Variants in MED13L observed in about 807,000 individuals in gnomAD.
MED13L encodes mediator complex subunit 13L.
In MED13L, 7 loss-of-function variants were observed where a neutral mutation model predicts 220.9. The observed-to-expected ratio is 0.03, with a 90% confidence interval of 0.02 to 0.06. The LOEUF is 0.06. MED13L is among the 10% of genes least tolerant of loss of function. The probability of loss-of-function intolerance (pLI) is 1.00; values close to 1 mark genes in which losing one functional copy is unlikely to be tolerated. For missense variants in MED13L, 1,965 were observed against 2,760.5 expected (o/e 0.71, Z 6.46); for synonymous variants, 1,011 against 1,015.2 (o/e 1.00, Z 0.08).
intron 2 of MED13L, among the ~76,000 whole-genome samples, chr12:116,140,218 A>T (rs1474199769): frequency 5.3e-5 from 8 of 152,144 alleles, no homozygotes; most frequent in Admixed American, 5.2e-4. Context: ...CTACCATGTA[A>T]CATACTTAAT....
At chr12:116,059,602 G>C (rs1475062394) in intron 4 of MED13L, among the ~76,000 whole-genome samples, 1 of 151,930 alleles carries the variant, frequency 6.6e-6, no homozygotes, top group South Asian at 2.1e-4. Flanking sequence ...GTTTTTAATA[G>C]AGACGGGGTT....
At chr12:115,969,124 C>T in intron 27 of MED13L, 27 bp from the exon 28 acceptor site, 5 of 1,609,202 alleles carry the variant, frequency 3.1e-6, no homozygotes, top group Non-Finnish European at 4.2e-6. Context: ...AAAAAAAGCA[C>T]AAAAATTAAA....
intron 3 of MED13L, among the ~76,000 whole-genome samples, 194 bp from the exon 4 acceptor site, chr12:116,096,946 T>C (rs191168621): frequency 2.0e-5 from 3 of 152,298 alleles, no homozygotes; most frequent in South Asian, 2.1e-4. Context: ...CAGATTCTTA[T>C]GCCCACGTAA....
At chr12:116,027,776 C>T (rs1292239877) in intron 4 of MED13L, among the ~76,000 whole-genome samples, 1 of 152,128 alleles carries the variant, frequency 6.6e-6, no homozygotes, top group African/African-American at 2.4e-5. Context: ...CAAAGCAATG[C>T]TAAAAATGGT....
chr12:116,092,119 T>C (rs891470326), intron 4 of MED13L, among the ~76,000 whole-genome samples: 1 of 152,254 alleles, frequency 6.6e-6, no homozygotes, highest in Non-Finnish European at 1.5e-5. Flanking sequence ...TATTTGTCTA[T>C]GGACTTCCCA....
chr12:116,273,129 A>G (rs1472353278), intron 1 of MED13L, among the ~76,000 whole-genome samples: 1 of 151,890 alleles, frequency 6.6e-6, no homozygotes, highest in African/African-American at 2.4e-5. Context: ...ATATGGAGAA[A>G]CCCCGTCTCT....
chr12:116,132,146 C>T (rs532976288), intron 2 of MED13L, among the ~76,000 whole-genome samples: 3 of 151,648 alleles, frequency 2.0e-5, no homozygotes, highest in Admixed American at 6.6e-5. Flanking sequence ...CAGGTCATGA[C>T]GGCAGGTGCC....
rs939285598 is a variant in MED13L at position 115,958,763 on chromosome 12, T to G, written c.*2503A>C. ...TTTTTAAATGAACTTCACATATTTT[T>G]GTATTCTTTCAAATTGTTTGCTATA... On this transcript the variant is annotated 3_prime_UTR_variant, in exon 31 of 31. Transcript: ENST00000281928. 1 of 152,642 alleles carries G rather than the reference T, an allele frequency of 6.6e-6. No individual in the cohort carries two copies. Among genetic ancestry groups the G allele is most frequent in the East Asian group, 1.9e-4 (1 of 5,202 alleles). The allele number at this position is 152,642 out of a possible 1,614,324, so 9.5% of individuals were successfully genotyped here.
intron 2 of MED13L, among the ~76,000 whole-genome samples, chr12:116,197,611 A>T (rs1335177121): frequency 6.6e-6 from 1 of 152,118 alleles, no homozygotes; most frequent in African/African-American, 2.4e-5. Context: ...TACTAAAAAT[A>T]CAAAATTAGC....
intron 4 of MED13L, among the ~76,000 whole-genome samples, chr12:116,090,531 G>T (rs899946928): frequency 2.0e-5 from 3 of 152,122 alleles, no homozygotes; most frequent in African/African-American, 7.2e-5. Flanking sequence ...AAAAGATATG[G>T]ATATATACAG....
intron 2 of MED13L, among the ~76,000 whole-genome samples, chr12:116,120,469 TCTCTCTCTCA>T (rs1162964485): frequency 0.04 from 5,148 of 128,304 alleles, 48 homozygotes; most frequent in Middle Eastern, 0.069. Context: ...TCTCTCTCTC[TCTCTCTCTCA>T]CACACACACA....
chr12:116,086,186 G>A (rs1239282412), intron 4 of MED13L, among the ~76,000 whole-genome samples: 1 of 151,804 alleles, frequency 6.6e-6, no homozygotes, highest in Non-Finnish European at 1.5e-5. Flanking sequence ...GACATAGGCA[G>A]AAGACAACAA....
At chr12:116,274,202 T>A (rs1389136401) in intron 1 of MED13L, among the ~76,000 whole-genome samples, 20 of 152,086 alleles carry the variant, frequency 1.3e-4, no homozygotes. Flanking sequence ...TTTGATTCCG[T>A]GCAGTAAAAA....
chr12:116,119,104 C>T (rs1874782824), intron 2 of MED13L, among the ~76,000 whole-genome samples: 2 of 152,154 alleles, frequency 1.3e-5, no homozygotes, highest in Non-Finnish European at 2.9e-5. Context: ...TCTTCATTAT[C>T]ACTATCATTA....
intron 2 of MED13L, among the ~76,000 whole-genome samples, chr12:116,192,205 C>A (rs1183704190): frequency 1.3e-5 from 2 of 152,190 alleles, no homozygotes; most frequent in Non-Finnish European, 2.9e-5. Context: ...TATGAACAGA[C>A]CCCATCCCTT....
At chr12:116,138,002 G>A (rs926737413) in intron 2 of MED13L, among the ~76,000 whole-genome samples, 2 of 151,430 alleles carry the variant, frequency 1.3e-5, no homozygotes, top group Non-Finnish European at 3.0e-5. Context: ...GATTACAGGC[G>A]CCTGCCACTA....
chr12:115,971,695 T>C (rs1299563002), intron 26 of MED13L, among the ~76,000 whole-genome samples: 1 of 152,216 alleles, frequency 6.6e-6, no homozygotes, highest in Non-Finnish European at 1.5e-5. Context: ...TCGAGGCTGC[T>C]GAGAGATTCT....
chr12:116,170,842 C>CCACA (rs1565910933), intron 2 of MED13L, among the ~76,000 whole-genome samples: 2 of 152,148 alleles, frequency 1.3e-5, no homozygotes, highest in Admixed American at 6.5e-5. Flanking sequence ...CTCAACTGAT[C>CCACA]CACACGCCTC....
At chr12:116,222,896 A>G (rs1048374083) in intron 2 of MED13L, among the ~76,000 whole-genome samples, 7 of 152,226 alleles carry the variant, frequency 4.6e-5, no homozygotes, top group Non-Finnish European at 8.8e-5. Context: ...TTTCATTGAA[A>G]ATGTTTGCCT....
Sources: allele counts gnomAD v4.1 joint callset (sites outside exome capture counted in the v4.1 genomes callset), GRCh38; gene constraint gnomAD v4.1.1; transcripts MANE v1.5; gene names NCBI Gene and HGNC (gene_info 2026-07-23, HGNC 2026-07-21).